The following PPARGC1A variants were observed in gnomAD, a reference collection of about 807,000 sequenced individuals.
PPARGC1A encodes peroxisome proliferator-activated receptor gamma coactivator 1-alpha.
PPARGC1A carries 25 observed loss-of-function variants against 88.7 expected under a neutral mutation model. The observed-to-expected ratio is 0.28, with a 90% CI of 0.21 to 0.39. The LOEUF (loss-of-function observed/expected upper bound fraction) is 0.39. Among genes scored for constraint, PPARGC1A ranks in the 10% least tolerant of loss-of-function variants. PPARGC1A has a pLI of 1.00. For missense variants in PPARGC1A, 880 were observed against 968.7 expected (o/e 0.91, Z 1.22); for synonymous variants, 363 against 355.6 (o/e 1.02, Z -0.24).
the PPARGC1A span, among the ~76,000 whole-genome samples, chr4:23,983,963 T>C: frequency 1.3e-5 from 2 of 152,088 alleles, no homozygotes; most frequent in East Asian, 3.9e-4. Flanking sequence ...CCATTTTCAA[T>C]TGTACATTTT....
At chr4:23,829,326 A>G in intron 4 of PPARGC1A, 137 bp downstream of exon 4, 2 of 909,804 alleles carry the variant, frequency 2.2e-6, no homozygotes, top group Non-Finnish European at 3.3e-6. Context: ...ACGGAATCCC[A>G]TTCATAATCT....
chr4:24,093,403 A>C, the PPARGC1A span, among the ~76,000 whole-genome samples: 6 of 152,218 alleles, frequency 3.9e-5, no homozygotes, highest in African/African-American at 1.4e-4. Context: ...TGCCATTATT[A>C]TCCTTTTAGT....
intron 11 of PPARGC1A, 95 bp from the exon 12 acceptor site, chr4:23,801,976 C>A: frequency 1.4e-6 from 2 of 1,452,958 alleles, no homozygotes; most frequent in African/African-American, 1.4e-5. Context: ...CCAGTGCCAA[C>A]GTCTGAGCCA....
chr4:24,439,329 A>T, the PPARGC1A span, among the ~76,000 whole-genome samples: 2 of 152,208 alleles, frequency 1.3e-5, no homozygotes, highest in Non-Finnish European at 2.9e-5. Flanking sequence ...GCTTTGAATG[A>T]GTTCAAATGA....
chr4:24,062,490 C>A, the PPARGC1A span, among the ~76,000 whole-genome samples: 122 of 152,332 alleles, frequency 8.0e-4, no homozygotes, highest in Non-Finnish European at 1.5e-3. Flanking sequence ...ACTGTGCTCC[C>A]ATAGCACAGT....
chr4:24,465,227 G>A, the PPARGC1A span, among the ~76,000 whole-genome samples: 1 of 152,146 alleles, frequency 6.6e-6, no homozygotes, highest in Admixed American at 6.5e-5. Context: ...AAGGGTGGGG[G>A]TGGATCTGGT....
At chr4:23,804,845 A>G (rs1452924976) in intron 10 of PPARGC1A, among the ~76,000 whole-genome samples, 1 of 152,168 alleles carries the variant, frequency 6.6e-6, no homozygotes, top group Non-Finnish European at 1.5e-5. Flanking sequence ...TGTCTACAAC[A>G]ACCTTAAGCT....
the PPARGC1A span, among the ~76,000 whole-genome samples, chr4:24,407,540 G>C: frequency 6.6e-6 from 1 of 152,334 alleles, no homozygotes; most frequent in South Asian, 2.1e-4. Context: ...CAGTGACATC[G>C]ATTTTAAGAG....
chr4:24,245,455 G>A, the PPARGC1A span, among the ~76,000 whole-genome samples: 2 of 152,154 alleles, frequency 1.3e-5, no homozygotes. Context: ...TGGAAGCTTC[G>A]AGGCCCACCA....
chr4:23,914,394 A>G, the PPARGC1A span, among the ~76,000 whole-genome samples: 4 of 152,314 alleles, frequency 2.6e-5, no homozygotes, highest in Non-Finnish European at 1.5e-5. Context: ...TTGGGCAGCA[A>G]TTTAATCAGC....
At chr4:23,870,778 AT>A (rs1380208754) in intron 2 of PPARGC1A, among the ~76,000 whole-genome samples, 2 of 152,168 alleles carry the variant, frequency 1.3e-5, no homozygotes, top group African/African-American at 4.8e-5. Context: ...ATAATCCTAA[AT>A]TTTTAATGGC....
At chr4:23,925,458 G>A in the PPARGC1A span, among the ~76,000 whole-genome samples, 4 of 152,136 alleles carry the variant, frequency 2.6e-5, no homozygotes, top group African/African-American at 9.7e-5. Context: ...CCTCTTAAAG[G>A]AGCCATCAAA....
At chr4:23,955,357 T>A in the PPARGC1A span, among the ~76,000 whole-genome samples, 1 of 152,232 alleles carries the variant, frequency 6.6e-6, no homozygotes, top group Non-Finnish European at 1.5e-5. Context: ...AGTAGAGTTA[T>A]AATGAATAAC....
the PPARGC1A span, among the ~76,000 whole-genome samples, chr4:24,368,528 A>G: frequency 6.6e-6 from 1 of 152,080 alleles, no homozygotes; most frequent in African/African-American, 2.4e-5. Flanking sequence ...CAATAATGGA[A>G]TCAAATTTGG....
intron 2 of PPARGC1A, among the ~76,000 whole-genome samples, chr4:23,859,578 G>A (rs765812361): frequency 4.3e-4 from 65 of 152,076 alleles, no homozygotes; most frequent in Middle Eastern, 3.4e-3. Context: ...TCAGGAGATC[G>A]AGACCATCCT....
chr4:24,371,065 A>T, the PPARGC1A span, among the ~76,000 whole-genome samples: 1 of 151,976 alleles, frequency 6.6e-6, no homozygotes, highest in Non-Finnish European at 1.5e-5. Context: ...TTTGCTGAGG[A>T]TGATGGTTTC....
the PPARGC1A span, among the ~76,000 whole-genome samples, chr4:23,928,102 C>T: frequency 6.6e-6 from 1 of 152,120 alleles, no homozygotes; most frequent in Non-Finnish European, 1.5e-5. Flanking sequence ...CGAATATCAA[C>T]CCCGGTCTGA....
the PPARGC1A span, among the ~76,000 whole-genome samples, chr4:23,980,575 A>G: frequency 1.3e-5 from 2 of 152,166 alleles, no homozygotes; most frequent in African/African-American, 4.8e-5. Flanking sequence ...AATCGAAGGG[A>G]TATAAAGAAC....
chr4:24,396,758 A>C, the PPARGC1A span, among the ~76,000 whole-genome samples: 1 of 152,074 alleles, frequency 6.6e-6, no homozygotes, highest in Non-Finnish European at 1.5e-5. Context: ...TCTCCCTGGT[A>C]CCCCTTCTCT....
Sources: gnomAD v4.1 joint callset for allele counts (sites outside exome capture counted in the v4.1 genomes callset) on GRCh38, gnomAD v4.1.1 for gene constraint, MANE v1.5 for transcripts, NCBI Gene and HGNC (gene_info 2026-07-23, HGNC 2026-07-21) for gene names.